Variants in PTPRZ1 observed in about 807,000 individuals in gnomAD.
The protein encoded by PTPRZ1 is receptor-type tyrosine-protein phosphatase zeta.
A neutral mutation model predicts 214.1 loss-of-function variants in PTPRZ1; 82 were observed. That is an observed-to-expected ratio of 0.38 (90% confidence interval 0.32 to 0.46). The LOEUF (loss-of-function observed/expected upper bound fraction) is 0.46, where lower values mean the gene tolerates loss of function less well. PTPRZ1 is among the 20% of genes least tolerant of loss of function. The pLI is 1.00. For synonymous variants in PTPRZ1, 945 were observed against 987.9 expected (o/e 0.96, Z 0.81); for missense variants, 2,603 against 2,748.7 (o/e 0.95, Z 1.19).
At chr7:121,948,086 G>C (rs1195768071) in intron 2 of PTPRZ1, among the ~76,000 whole-genome samples, 1 of 152,072 alleles carries the variant, frequency 6.6e-6, no homozygotes, top group Non-Finnish European at 1.5e-5. Flanking sequence ...TGAGAGCTAA[G>C]GGAAATGATG....
chr7:121,934,382 C>G (rs1796010501), intron 2 of PTPRZ1, among the ~76,000 whole-genome samples: 1 of 148,324 alleles, frequency 6.7e-6, no homozygotes, highest in South Asian at 2.2e-4. Context: ...TCATCATTAA[C>G]CTACAGACTG....
chr7:121,949,011 C>T (rs1258455088), intron 2 of PTPRZ1, among the ~76,000 whole-genome samples: 2 of 151,998 alleles, frequency 1.3e-5, no homozygotes, highest in African/African-American at 2.4e-5. Context: ...CAGGAGGTCC[C>T]GATGTGCCCA....
intron 2 of PTPRZ1, among the ~76,000 whole-genome samples, chr7:121,939,122 T>C (rs1796172162): frequency 6.6e-6 from 1 of 152,224 alleles, no homozygotes; most frequent in Admixed American, 6.5e-5. Context: ...CTGAGAGGAA[T>C]TGTGACTAGT....
At chr7:122,051,616 G>A (rs770833072) in intron 24 of PTPRZ1, 95 bp downstream of exon 24, 8 of 1,029,524 alleles carry the variant, frequency 7.8e-6, no homozygotes, top group Non-Finnish European at 1.2e-5. Context: ...GGAGCAAATG[G>A]AGCACATTCA....
At position 121,901,119 on chromosome 7, in the gene PTPRZ1, C is replaced by A. The variant is rs149160204; in HGVS notation, c.59-27037C>A. Among the ~76,000 whole-genome samples the A allele has an allele frequency of 4.6e-5, 7 of 152,244 alleles. 1 individual carries two copies. In the East Asian group the frequency reaches 1.4e-3, roughly 29 times the overall value. ...CGTTTTCTGTTTCTGATATTTAACA[C>A]CATGAATGCCCTTAGATTCTGAGTG... On this transcript the variant is annotated intron_variant, in intron 1 of 29. Transcript: ENST00000393386.
At chr7:122,004,550 G>A (rs1798425487) in intron 10 of PTPRZ1, 64 bp from the exon 11 acceptor site, 3 of 860,374 alleles carry the variant, frequency 3.5e-6, no homozygotes, top group East Asian at 2.9e-5. Context: ...TCACCCAAAG[G>A]TAAATCCACA....
intron 8 of PTPRZ1, among the ~76,000 whole-genome samples, chr7:121,994,122 T>C (rs1358441922): frequency 6.6e-6 from 1 of 152,140 alleles, no homozygotes; most frequent in East Asian, 1.9e-4. Context: ...TCATAAATTT[T>C]GACACGTCTA....
intron 9 of PTPRZ1, among the ~76,000 whole-genome samples, chr7:121,996,814 C>T (rs1211329763): frequency 6.6e-6 from 1 of 152,124 alleles, no homozygotes; most frequent in Non-Finnish European, 1.5e-5. Flanking sequence ...AGAGTAGATA[C>T]ATATGACTTA....
intron 9 of PTPRZ1, among the ~76,000 whole-genome samples, chr7:121,997,180 G>T (rs914259134): frequency 3.3e-5 from 5 of 152,124 alleles, no homozygotes; most frequent in Non-Finnish European, 5.9e-5. Context: ...ATAGATTAGG[G>T]TGTAGTTGAC....
intron 1 of PTPRZ1, among the ~76,000 whole-genome samples, chr7:121,883,396 A>AT (rs1794300698): frequency 6.6e-6 from 1 of 152,158 alleles, no homozygotes; most frequent in Non-Finnish European, 1.5e-5. Flanking sequence ...TGTATTTGTC[A>AT]TTTTTACAGT....
intron 1 of PTPRZ1, 56 bp from the exon 2 acceptor site, chr7:121,928,100 T>C: frequency 7.8e-7 from 1 of 1,282,084 alleles, no homozygotes; most frequent in Non-Finnish European, 1.1e-6. Flanking sequence ...GGGCATCTTT[T>C]ATTTTTGGAC....
At chr7:121,884,382 G>A (rs1210130005) in intron 1 of PTPRZ1, among the ~76,000 whole-genome samples, 1 of 152,046 alleles carries the variant, frequency 6.6e-6, no homozygotes, top group African/African-American at 2.4e-5. Context: ...ACAAATGCAC[G>A]TGTATATTTC....
chr7:122,007,364 G>C (rs965669727), intron 11 of PTPRZ1, among the ~76,000 whole-genome samples: 2 of 152,132 alleles, frequency 1.3e-5, no homozygotes, highest in African/African-American at 4.8e-5. Flanking sequence ...CACAGATGGG[G>C]ATTTAAAATA....
chr7:121,900,436 G>T (rs972104076), intron 1 of PTPRZ1, among the ~76,000 whole-genome samples: 1 of 152,152 alleles, frequency 6.6e-6, no homozygotes, highest in Admixed American at 6.5e-5. Flanking sequence ...TGATGGTTTA[G>T]AACCCATTCT....
intron 17 of PTPRZ1, among the ~76,000 whole-genome samples, chr7:122,036,185 A>AC (rs1290798121): frequency 6.6e-6 from 1 of 152,008 alleles, no homozygotes; most frequent in Non-Finnish European, 1.5e-5. Flanking sequence ...GAGCCTCCCC[A>AC]CCCATCACAT....
chr7:121,910,133 C>T (rs907164769), intron 1 of PTPRZ1, among the ~76,000 whole-genome samples: 2 of 152,124 alleles, frequency 1.3e-5, no homozygotes, highest in African/African-American at 4.8e-5. Context: ...GTTTTTCCAA[C>T]ACATGGGGCT....
At chr7:121,910,724 G>A (rs1240694632) in intron 1 of PTPRZ1, among the ~76,000 whole-genome samples, 1 of 152,116 alleles carries the variant, frequency 6.6e-6, no homozygotes. Context: ...TCATAAGATG[G>A]TGGTGGTTTG....
At chr7:122,005,527 A>G (rs893188899) in intron 11 of PTPRZ1, among the ~76,000 whole-genome samples, 2 of 151,938 alleles carry the variant, frequency 1.3e-5, no homozygotes, top group African/African-American at 4.8e-5. Context: ...TCTCTCTTAC[A>G]AGGGACTATT....
At chr7:121,874,780 C>T (rs1794001612) in intron 1 of PTPRZ1, among the ~76,000 whole-genome samples, 1 of 152,094 alleles carries the variant, frequency 6.6e-6, no homozygotes, top group Non-Finnish European at 1.5e-5. Context: ...ACACATAAGA[C>T]ATGCAAGGGA....
Sources: allele counts gnomAD v4.1 joint callset (sites outside exome capture counted in the v4.1 genomes callset), GRCh38; gene constraint gnomAD v4.1.1; transcripts MANE v1.5; gene names NCBI Gene and HGNC (gene_info 2026-07-23, HGNC 2026-07-21).